Variants in COBL observed in about 807,000 individuals in gnomAD.
COBL encodes the protein cordon-bleu WH2 repeat protein.
In COBL, 51 loss-of-function variants were observed where a neutral mutation model predicts 98.8. That is an observed-to-expected ratio of 0.52 (90% confidence interval 0.41 to 0.65). The LOEUF (loss-of-function observed/expected upper bound fraction) is 0.65, where lower values mean the gene tolerates loss of function less well. Among genes scored for constraint, COBL ranks in the 30% least tolerant of loss-of-function variants. The probability of loss-of-function intolerance (pLI) is 0.00; values close to 1 mark genes in which losing one functional copy is unlikely to be tolerated. For missense variants in COBL, 1,617 were observed against 1,617.5 expected (o/e 1.00, Z 0.01); for synonymous variants, 634 against 651.7 (o/e 0.97, Z 0.41).
intron 1 of COBL, 58 bp downstream of exon 1, chr7:51,316,535 G>T: frequency 8.6e-7 from 1 of 1,167,232 alleles, no homozygotes; most frequent in South Asian, 3.7e-5. Context: ...GTGCGGACGC[G>T]GGCGTCCGAG....
At chr7:51,208,367 G>A (rs1268394937) in intron 2 of COBL, among the ~76,000 whole-genome samples, 1 of 146,726 alleles carries the variant, frequency 6.8e-6, no homozygotes, top group Non-Finnish European at 1.5e-5. Flanking sequence ...CAGGCCAGCC[G>A]CCCCGTCTGG....
intron 1 of COBL, among the ~76,000 whole-genome samples, chr7:51,312,216 A>G (rs895769959): frequency 3.3e-5 from 5 of 152,076 alleles, no homozygotes; most frequent in Admixed American, 3.3e-4. Context: ...TGTAAATCCC[A>G]GCTACTCCGG....
intron 1 of COBL, among the ~76,000 whole-genome samples, chr7:51,312,851 AT>A (rs1160813581): frequency 2.6e-5 from 4 of 152,212 alleles, no homozygotes; most frequent in African/African-American, 9.6e-5. Context: ...TTTGTAACAA[AT>A]TTTAATCATA....
chr7:51,020,453 CG>C (rs1339017258), intron 12 of COBL, among the ~76,000 whole-genome samples: 2 of 152,264 alleles, frequency 1.3e-5, no homozygotes, highest in East Asian at 3.9e-4. Context: ...CGACAGTGCC[CG>C]GACCCTAGTA....
intron 2 of COBL, among the ~76,000 whole-genome samples, chr7:51,197,475 G>GA (rs1418480522): frequency 9.2e-5 from 14 of 152,070 alleles, no homozygotes; most frequent in African/African-American, 3.4e-4. Flanking sequence ...ATGTGGCAAT[G>GA]AAAAAATGTA....
At chr7:51,148,730 C>T (rs1244345331) in intron 5 of COBL, among the ~76,000 whole-genome samples, 1 of 152,176 alleles carries the variant, frequency 6.6e-6, no homozygotes, top group African/African-American at 2.4e-5. Context: ...GAGATCCACT[C>T]CCCTGAATAC....
At position 51,219,828 on chromosome 7, in the gene COBL, C is replaced by G. The variant is rs146242826; in HGVS notation, c.158G>C (p.Arg53Pro). 41 of 1,614,108 alleles carry G rather than the reference C, an allele frequency of 2.5e-5. No individual in the cohort carries two copies. The East Asian group carries it at 8.5e-4, about 33-fold the overall frequency. ...GALGSQQNLV[R>P]MKEALRASTM... Reference sequence around the variant, plus strand: ...GCTGGCCCTCAGCGCCTCCTTCATGCGAACCAAGTTCTGCTGCGACCCGAG... The same window carrying G: ...GCTGGCCCTCAGCGCCTCCTTCATGGGAACCAAGTTCTGCTGCGACCCGAG... Residue 53 changes from arginine (R) to proline (P), a missense_variant, in exon 2 of 13, where the codon CGC becomes CCC. Physicochemically the swap from Arg to Pro is moderately radical, Grantham distance 103. Transcript: ENST00000265136.
At chr7:51,069,156 G>T (rs1448594916) in intron 7 of COBL, among the ~76,000 whole-genome samples, 2 of 152,208 alleles carry the variant, frequency 1.3e-5, no homozygotes, top group Admixed American at 1.3e-4. Flanking sequence ...GCAGATTCGG[G>T]GTTTGCCCAT....
At chr7:51,255,781 C>T (rs919387837) in intron 1 of COBL, among the ~76,000 whole-genome samples, 1 of 152,192 alleles carries the variant, frequency 6.6e-6, no homozygotes, top group African/African-American at 2.4e-5. Flanking sequence ...CCGATGACCT[C>T]ACATCAAGGT....
chr7:51,123,903 A>C (rs116643256), intron 6 of COBL, among the ~76,000 whole-genome samples: 1 of 152,114 alleles, frequency 6.6e-6, no homozygotes, highest in Admixed American at 6.5e-5. Context: ...CAAGTGTTAC[A>C]CAACTCTCTT....
chr7:51,228,421 C>T (rs1794412312), intron 1 of COBL, among the ~76,000 whole-genome samples: 2 of 151,236 alleles, frequency 1.3e-5, no homozygotes, highest in Non-Finnish European at 2.9e-5. Context: ...AAGAAGCAGG[C>T]CTCTTGTCTC....
rs190646586 is a variant in COBL at position 51,228,248 on chromosome 7, A to T, written c.42-8304T>A. 3.9e-3 allele frequency among the ~76,000 whole-genome samples: 593 copies of T among 152,266 alleles called. 1 individual carries two copies. Among genetic ancestry groups the T allele is most frequent in the South Asian group, 7.3e-3 (35 of 4,820 alleles). ...TTCCCCAAGAGCTGAACAGAGAGAG[A>T]TTTCAGCTTTTATCAGCTGAGTAAA... On this transcript the variant is annotated intron_variant, in intron 1 of 12. Coordinates refer to ENST00000265136, the MANE Select transcript of COBL (RefSeq NM_015198.5).
At chr7:51,085,108 A>G in intron 7 of COBL, 58 bp downstream of exon 7, 1 of 1,610,724 alleles carries the variant, frequency 6.2e-7, no homozygotes. Flanking sequence ...ATCAGAGCTG[A>G]CATTCCAGGA....
intron 1 of COBL, among the ~76,000 whole-genome samples, chr7:51,293,313 A>C (rs927089773): frequency 6.6e-6 from 1 of 152,246 alleles, no homozygotes; most frequent in African/African-American, 2.4e-5. Flanking sequence ...ATGAATGTTC[A>C]TAATAGCTTT....
intron 1 of COBL, among the ~76,000 whole-genome samples, chr7:51,250,176 A>G (rs1382319561): frequency 6.6e-6 from 1 of 151,980 alleles, no homozygotes; most frequent in Non-Finnish European, 1.5e-5. Flanking sequence ...CAGCCTGGTA[A>G]TCACAGCTCT....
intron 2 of COBL, among the ~76,000 whole-genome samples, chr7:51,217,369 T>C (rs1452214603): frequency 6.8e-6 from 1 of 146,812 alleles, no homozygotes; most frequent in Non-Finnish European, 1.5e-5. Flanking sequence ...GAGATGGAGT[T>C]TCTCTCTTGT....
rs547912369 is a variant in COBL at position 51,268,848 on chromosome 7, C to T, written c.41+47745G>A. 1.1e-4 allele frequency among the ~76,000 whole-genome samples: 17 copies of T among 150,770 alleles called. No homozygotes were observed. In the East Asian group the frequency reaches 2.9e-3, roughly 26 times the overall value. On this transcript the variant is annotated intron_variant, in intron 1 of 12. Coordinates refer to ENST00000265136, the MANE Select transcript of COBL (RefSeq NM_015198.5). ...AGGAGGCTGAGGCAGGAGAATCGCT[C>T]GAACTCAGGAGGTGGAGGTTGTGGT... is the stretch of plus-strand genomic sequence containing the variant.
intron 1 of COBL, among the ~76,000 whole-genome samples, chr7:51,252,206 A>G (rs61609216): frequency 6.6e-6 from 1 of 152,208 alleles, no homozygotes. Flanking sequence ...GCTTATTGAG[A>G]TATAATTCAC....
At chr7:51,122,222 C>A (rs984967714) in intron 6 of COBL, among the ~76,000 whole-genome samples, 2 of 152,224 alleles carry the variant, frequency 1.3e-5, no homozygotes, top group African/African-American at 4.8e-5. Flanking sequence ...AAAAGGTAGA[C>A]GTTAAGCAAC....
Sources: allele counts gnomAD v4.1 joint callset (sites outside exome capture counted in the v4.1 genomes callset), GRCh38; gene constraint gnomAD v4.1.1; transcripts MANE v1.5; gene names NCBI Gene and HGNC (gene_info 2026-07-23, HGNC 2026-07-21).